The following VSIG10L2 variants were observed in gnomAD, a reference collection of about 807,000 sequenced individuals.
The protein encoded by VSIG10L2 is V-set and immunoglobulin domain containing 10 like 2, also known as V-set and immunoglobulin domain-containing protein 10-like 2.
Under a neutral mutation model 67.1 loss-of-function variants are expected in VSIG10L2, and 56 were observed. The ratio of observed to expected loss-of-function variants is 0.83; its 90% CI spans 0.67 to 1.04. The LOEUF (loss-of-function observed/expected upper bound fraction) is 1.04, where lower values mean the gene tolerates loss of function less well. Ranked by LOEUF, VSIG10L2 falls within the 50% of genes least tolerant of loss-of-function variation. VSIG10L2 has a pLI of 0.00. For synonymous variants in VSIG10L2, 360 were observed against 396.6 expected (o/e 0.91, Z 1.10); for missense variants, 843 against 932.8 (o/e 0.90, Z 1.25).
Position 125,947,196 on chromosome 11 carries a change from C to G in VSIG10L2, c.83-490C>G, listed in dbSNP as rs148856759. Among the ~76,000 whole-genome samples, 62 of 152,254 alleles carry G rather than the reference C, an allele frequency of 4.1e-4. 1 individual carries two copies. Among genetic ancestry groups the G allele is most frequent in the Middle Eastern group, 3.4e-3 (1 of 294 alleles). On this transcript the variant is annotated intron_variant, in intron 1 of 11. Transcript: ENST00000686984. The stretch of plus-strand genomic sequence containing the variant: ...GGGTGGGAGGGAGCCCTGGGATCCT[C>G]CTGGAATCCTTACACAGGAACTCCA...
chr11:125,953,678 C>T lies in VSIG10L2; in HGVS notation c.1774C>T (p.Leu592=). ...AVGNSSQSVL[L]EVLRYPAPPN... ...GGGCAATAGCAGTCAGAGTGTGCTG[C>T]TGGAGGTCCTGAGTGAGTGAGGGGT... The change falls in exon 7 of 12, where the codon CTG becomes TTG. Residue 592 remains leucine, a synonymous_variant. Transcript: ENST00000686984. The T allele has an allele frequency of 8.1e-7, 1 of 1,232,282 alleles. No individual in the cohort carries two copies. The highest frequency in any genetic ancestry group is 1.0e-6 in the Non-Finnish European group (1 of 988,036). 76.3% of individuals were successfully genotyped at this position (1,232,282 alleles called of 1,614,324 possible).
intron 4 of VSIG10L2, among the ~76,000 whole-genome samples, 186 bp from the exon 5 acceptor site, chr11:125,950,724 C>T (rs1175253286): frequency 1.3e-5 from 2 of 152,084 alleles, no homozygotes; most frequent in African/African-American, 2.4e-5. Context: ...ACCTCCTGCC[C>T]CTGACCTGAG....
chr11:125,949,204 G>A (rs1467301751), intron 3 of VSIG10L2, among the ~76,000 whole-genome samples: 1 of 152,142 alleles, frequency 6.6e-6, no homozygotes, highest in Non-Finnish European at 1.5e-5. Context: ...GGATATATTT[G>A]GTTAAATAAA....
At position 125,950,029 on chromosome 11, in the gene VSIG10L2, C is replaced by T; in HGVS notation, c.725C>T (p.Pro242Leu). 1 of 1,232,382 alleles carries T rather than the reference C, an allele frequency of 8.1e-7. No homozygotes were observed. Among genetic ancestry groups the T allele is most frequent in the Non-Finnish European group, 1.0e-6 (1 of 988,118 alleles). 76.3% of individuals were successfully genotyped at this position (1,232,382 alleles called of 1,614,324 possible). The change falls in exon 4 of 12, where the codon CCT (proline) becomes CTT (leucine). Residue 242 changes from proline to leucine, a missense_variant. Around this residue, in one of 2 missense-constraint regions of VSIG10L2, gnomAD observed 446 missense variants for 548.4 expected, o/e 0.81. Transcript: ENST00000686984. ...FLDVIYGPDK[P>L]VITMEPLGLT... Reference sequence around the variant, plus strand: ...TGCTCTCCAGATGGTCCTGACAAGCCTGTGATCACCATGGAGCCGCTGGGA... The same window carrying T: ...TGCTCTCCAGATGGTCCTGACAAGCTTGTGATCACCATGGAGCCGCTGGGA...
rs1945409255 is a variant in VSIG10L2 at position 125,953,653 on chromosome 11, G to T, written c.1749G>T (p.Val583=). The T allele has an allele frequency of 2.4e-6, 3 of 1,232,168 alleles. No homozygotes were observed. Among genetic ancestry groups the T allele is most frequent in the Non-Finnish European group, 3.0e-6 (3 of 988,040 alleles). The allele number at this position is 1,232,168 out of a possible 1,614,324, so 76.3% of individuals were successfully genotyped here. The change falls in exon 7 of 12, where the codon GTG becomes GTT. Residue 583 remains valine, a synonymous_variant. Transcript: ENST00000686984. ...ACCAATGCGTGGCCCGCAACGCCGTGGGCAATAGCAGTCAGAGTGTGCTGC... is the reference window on the plus strand; with the variant it reads ...ACCAATGCGTGGCCCGCAACGCCGTTGGCAATAGCAGTCAGAGTGTGCTGC... ...GTYQCVARNA[V]GNSSQSVLLE... is the part of the protein sequence containing the mutation.
rs1223582920 is a variant in VSIG10L2 at position 125,952,093 on chromosome 11, T to C, written c.1495+20T>C. ...AGCTGGGTGAGTAGGGGCTAGCGAG[T>C]TTGTTCTGGGGCTGGGACAGGAGGA... On this transcript the variant is annotated intron_variant, in intron 6 of 11. Transcript: ENST00000686984. 2.0e-6 allele frequency: 3 copies of C among 1,521,904 alleles called. No individual in the cohort carries two copies. Among genetic ancestry groups the C allele is most frequent in the Non-Finnish European group, 2.6e-6 (3 of 1,137,276 alleles). 94.3% of individuals were successfully genotyped at this position (1,521,904 alleles called of 1,614,324 possible).
rs1945306748 is a variant in VSIG10L2, at chr11:125,946,696, C to A, written c.82+559C>A. Among the ~76,000 whole-genome samples, 1 of 152,110 alleles carries A rather than the reference C, an allele frequency of 6.6e-6. No individual in the cohort carries two copies. Among genetic ancestry groups the A allele is most frequent in the East Asian group, 1.9e-4 (1 of 5,186 alleles). On this transcript the variant is annotated intron_variant, in intron 1 of 11. Coordinates refer to ENST00000686984, the MANE Select transcript of VSIG10L2 (RefSeq NM_001365077.2). The surrounding 1 kb of genome is among the most constrained non-coding windows in gnomAD (Gnocchi z 4.4). ...GGGATTACAGGTGTGTGCCACCATGCCCAGCTAATTTTTGTATTTTTAGTA... is the reference window on the plus strand; with the variant it reads ...GGGATTACAGGTGTGTGCCACCATGACCAGCTAATTTTTGTATTTTTAGTA...
rs1348100222 is a variant in VSIG10L2, at chr11:125,951,947, G to A, written c.1369G>A (p.Gly457Ser). The change falls in exon 6 of 12, where the codon GGC (glycine) becomes AGC (serine). Residue 457 changes from glycine (G) to serine (S), a missense_variant. By Grantham distance (56) the Gly-to-Ser change is moderately conservative. This residue lies in a region of VSIG10L2 where 446 missense variants were observed against 548.4 expected (regional missense o/e 0.81). Coordinates refer to ENST00000686984, the MANE Select transcript of VSIG10L2 (RefSeq NM_001365077.2). ...GWLDEQQQPL[G>S]GSSSSMAVHL... Reference sequence around the variant, plus strand: ...GCTTGACGAACAGCAGCAGCCCCTGGGCGGCAGCAGCTCCTCGATGGCCGT... The same window carrying A: ...GCTTGACGAACAGCAGCAGCCCCTGAGCGGCAGCAGCTCCTCGATGGCCGT... 2 of 1,536,138 alleles carry A rather than the reference G, an allele frequency of 1.3e-6. No homozygotes were observed. Among genetic ancestry groups the A allele is most frequent in the East Asian group, 4.9e-5 (2 of 40,912 alleles).
rs963692070 is a variant in VSIG10L2 at position 125,946,569 on chromosome 11, T to A, written c.82+432T>A. Among the ~76,000 whole-genome samples the A allele has an allele frequency of 4.8e-5, 7 of 145,636 alleles. No homozygotes were observed. The highest frequency in any genetic ancestry group is 1.7e-4 in the African/African-American group (7 of 40,248). The stretch of plus-strand genomic sequence containing the variant: ...CTTTTTTTTTTTTTGAGATGGAGTC[T>A]TGCTGTCACCCAGGCTGGAGTGCAG... On this transcript the variant is annotated intron_variant, in intron 1 of 11. Coordinates refer to ENST00000686984, the MANE Select transcript of VSIG10L2 (RefSeq NM_001365077.2). The surrounding 1 kb of genome is among the most constrained non-coding windows in gnomAD (Gnocchi z 4.4).
At chr11:125,951,263 G>T in intron 5 of VSIG10L2, 105 bp downstream of exon 5, 1 of 1,117,722 alleles carries the variant, frequency 8.9e-7, no homozygotes, top group African/African-American at 1.6e-5. Flanking sequence ...TCTCCAGACC[G>T]CAGGCTCCAA....
intron 7 of VSIG10L2, 48 bp from the exon 8 acceptor site, chr11:125,954,039 G>GTGGTTGTAGGT: frequency 8.2e-7 from 1 of 1,223,302 alleles, no homozygotes; most frequent in Non-Finnish European, 1.0e-6. Flanking sequence ...ACAAGGTCAC[G>GTGGTTGTAGGT]TGGTTGTAGG....
Position 125,955,177 on chromosome 11 carries a change from C to T in VSIG10L2, c.2204C>T (p.Pro735Leu), listed in dbSNP as rs549902213. 301 of 1,249,258 alleles carry T rather than the reference C, an allele frequency of 2.4e-4. No homozygotes were observed. The highest frequency in any genetic ancestry group is 2.9e-4 in the Non-Finnish European group (288 of 998,400). 77.4% of individuals were successfully genotyped at this position (1,249,258 alleles called of 1,614,324 possible). A position where few individuals can be genotyped will look rare whatever the true frequency, so the allele number is the denominator to read the frequency against. Reference protein sequence around the residue: ...QYAARHPETFPRLGQLLVPTE... With the variant: ...QYAARHPETFLRLGQLLVPTE... The stretch of plus-strand genomic sequence containing the variant: ...GCTGCCCGGCACCCAGAGACTTTCC[C>T]CCGTGAGTGGGAATCGGAAGGGACG... The change falls in exon 9 of 12, where the codon CCC becomes CTC. Residue 735 changes from proline (P) to leucine (L), a missense_variant and splice_region_variant. This residue lies in a region of VSIG10L2 where 397 missense variants were observed against 384.4 expected (regional missense o/e 1.03). Coordinates refer to ENST00000686984, the MANE Select transcript of VSIG10L2 (RefSeq NM_001365077.2).
intron 7 of VSIG10L2, among the ~76,000 whole-genome samples, 166 bp downstream of exon 7, chr11:125,953,856 C>T (rs1003497982): frequency 2.0e-5 from 3 of 152,194 alleles, no homozygotes; most frequent in Admixed American, 6.5e-5. Flanking sequence ...GCAACATGCG[C>T]GTGAATCTGC....
Position 125,952,042 on chromosome 11 carries a change from G to A in VSIG10L2, c.1464G>A (p.Arg488=), listed in dbSNP as rs950127432. The A allele has an allele frequency of 3.5e-5, 53 of 1,535,050 alleles. No individual in the cohort carries two copies. Among genetic ancestry groups the A allele is most frequent in the Non-Finnish European group, 3.5e-5 (40 of 1,146,154 alleles). The change falls in exon 6 of 12, where the codon AGG becomes AGA. Residue 488 remains arginine (R), a synonymous_variant. Coordinates refer to ENST00000686984, the MANE Select transcript of VSIG10L2 (RefSeq NM_001365077.2). ...EFTCRGTHLL[R]TPDPHCHLQL... is the part of the protein sequence containing the mutation. ...CCTGCCGGGGCACTCACCTGCTCAG[G>A]ACCCCTGACCCCCACTGCCACCTCC... is the stretch of plus-strand genomic sequence containing the variant.
At chr11:125,949,046 G>A (rs1258760251) in intron 3 of VSIG10L2, among the ~76,000 whole-genome samples, 3 of 152,232 alleles carry the variant, frequency 2.0e-5, no homozygotes, top group Non-Finnish European at 4.4e-5. Context: ...CCACGCATGT[G>A]TATCTTCGGT....
intron 9 of VSIG10L2, 137 bp downstream of exon 9, chr11:125,955,316 T>C (rs1945446281): frequency 1.5e-6 from 2 of 1,296,092 alleles, no homozygotes; most frequent in Admixed American, 3.0e-5. Flanking sequence ...TCCCCAGTGC[T>C]AGATGTTGCC....
rs1945381467 is a variant in VSIG10L2, at chr11:125,951,998, C to T, written c.1420C>T (p.Leu474=). The change falls in exon 6 of 12, where the codon CTG becomes TTG. Residue 474 remains leucine, a synonymous_variant. Transcript: ENST00000686984. ...AVHLLQAQED[L]AGREFTCRGT... is the part of the protein sequence containing the mutation. ...TCACCTCCTGCAGGCCCAAGAAGAT[C>T]TGGCTGGCAGAGAGTTCACCTGCCG... The T allele has an allele frequency of 6.5e-7, 1 of 1,536,128 alleles. No individual in the cohort carries two copies. The highest frequency in any genetic ancestry group is 8.7e-7 in the Non-Finnish European group (1 of 1,146,888).
At chr11:125,951,250 G>A in intron 5 of VSIG10L2, 92 bp downstream of exon 5, 1 of 1,197,442 alleles carries the variant, frequency 8.4e-7, no homozygotes, top group Non-Finnish European at 1.0e-6. Context: ...GGATCTGGGT[G>A]GCTCTCCAGA....
chr11:125,948,156 G>A, intron 2 of VSIG10L2, 120 bp downstream of exon 2: 1 of 1,231,676 alleles, frequency 8.1e-7, no homozygotes, highest in Non-Finnish European at 1.0e-6. Flanking sequence ...CCCCACTCCA[G>A]GGACTTTGGA....
Sources: gnomAD v4.1 joint callset for allele counts (sites outside exome capture counted in the v4.1 genomes callset) on GRCh38, gnomAD v4.1.1 for gene constraint, gnomAD v4.1.1 regional missense constraint, Gnocchi (gnomAD v3.1) non-coding constraint, MANE v1.5 for transcripts, NCBI Gene and HGNC (gene_info 2026-07-23, HGNC 2026-07-21) for gene names.